Variants in OGFR observed in about 807,000 individuals in gnomAD.
The protein encoded by OGFR is protein 7-60.
OGFR carries 18 observed loss-of-function variants against 33.6 expected under a neutral mutation model. That is an observed-to-expected ratio of 0.54 (90% CI 0.37 to 0.80). The LOEUF (loss-of-function observed/expected upper bound fraction) is 0.80, where lower values mean the gene tolerates loss of function less well. Ranked by LOEUF, OGFR falls within the 30% of genes least tolerant of loss-of-function variation. The pLI, the probability that OGFR is intolerant of heterozygous loss-of-function variation, is 0.00. For missense variants in OGFR, 877 were observed against 955.8 expected (o/e 0.92, Z 1.09); for synonymous variants, 370 against 400.7 (o/e 0.92, Z 0.91).
At position 62,812,210 on chromosome 20, in the gene OGFR, C is replaced by G; in HGVS notation, c.615-20C>G. 1 of 1,483,224 alleles carries G rather than the reference C, an allele frequency of 6.7e-7. No individual in the cohort carries two copies. The highest frequency in any genetic ancestry group is 9.0e-7 in the Non-Finnish European group (1 of 1,112,592). The allele number at this position is 1,483,224 out of a possible 1,614,324, so 91.9% of individuals were successfully genotyped here. The stretch of plus-strand genomic sequence containing the variant: ...GAGGGGCCCCAGCCATTGACCTCTC[C>G]TGACCCGGATCTCTCGCAGGCGCAG... On this transcript the variant is annotated intron_variant, in intron 6 of 6. Transcript: ENST00000290291.
intron 1 of OGFR, 122 bp downstream of exon 1, chr20:62,805,152 C>CG (rs1990555665): frequency 1.4e-6 from 1 of 711,812 alleles, no homozygotes; most frequent in Non-Finnish European, 1.9e-6. Flanking sequence ...CCCGCAGCCC[C>CG]GGGGACCCCC....
At position 62,812,602 on chromosome 20, in the gene OGFR, C is replaced by T. The variant is rs199543917; in HGVS notation, c.987C>T (p.Thr329=). ...ACGAGGCCAGCACCCAGGGTCGGAC[C>T]TGTGGGCCAGAGCATAGCAAGGGTG... is the stretch of plus-strand genomic sequence containing the variant. ...PDHEASTQGR[T]CGPEHSKGGG... is the part of the protein sequence containing the mutation. Residue 329 remains threonine (T), a synonymous_variant, in exon 7 of 7, where the codon ACC becomes ACT. Coordinates refer to ENST00000290291, the MANE Select transcript of OGFR (RefSeq NM_007346.4). 1.8e-4 allele frequency: 281 copies of T among 1,565,808 alleles called. No homozygotes were observed. In the African/African-American group the frequency reaches 3.4e-3, roughly 19 times the overall value.
In OGFR at chr20:62,813,054, C is replaced by A; in HGVS notation, c.1439C>A (p.Ala480Asp). The change falls in exon 7 of 7, where the codon GCC becomes GAC. Residue 480 changes from alanine to aspartate, a missense_variant. Ala to Asp is a moderately radical substitution (Grantham distance 126). Around this residue, in one of 3 missense-constraint regions of OGFR, gnomAD observed 760 missense variants for 736.0 expected, o/e 1.03. Transcript: ENST00000290291. ...GCCAGTGGTGGTGCCCAGACCTTGG[C>A]CCTTGCCGGGTCCCCTGCCCCATCG... ...AVASGGAQTL[A>D]LAGSPAPSGH... The A allele has an allele frequency of 6.3e-7, 1 of 1,585,692 alleles. No homozygotes were observed. Among genetic ancestry groups the A allele is most frequent in the Non-Finnish European group, 8.6e-7 (1 of 1,166,018 alleles).
rs1376280517 is a variant in OGFR, at chr20:62,807,555, A to G, written c.190A>G (p.Arg64Gly). 6.2e-7 allele frequency: 1 copy of G among 1,612,918 alleles called. No individual in the cohort carries two copies. The highest frequency in any genetic ancestry group is 2.2e-5 in the East Asian group (1 of 44,888). Residue 64 changes from arginine (R) to glycine (G), a missense_variant, in exon 2 of 7, where the codon AGA becomes GGA. Coordinates refer to ENST00000290291, the MANE Select transcript of OGFR (RefSeq NM_007346.4). ...SSFQSRMTGS[R>G]NWRATRDMCR... is the part of the protein sequence containing the mutation. ...TTCCCAGTCCAGAATGACAGGGTCC[A>G]GAAACTGGCGAGCCACGAGGGACAT...
At chr20:62,811,085 G>C (rs1236396898) in intron 5 of OGFR, among the ~76,000 whole-genome samples, 2 of 152,254 alleles carry the variant, frequency 1.3e-5, no homozygotes, top group Non-Finnish European at 2.9e-5. Context: ...GTCCAGGCTA[G>C]GTGCCGTGGC....
rs1193086343 is a variant in OGFR at position 62,807,592 on chromosome 20, G to A, written c.227G>A (p.Arg76Gln). 8 of 1,612,782 alleles carry A rather than the reference G, an allele frequency of 5.0e-6. No individual in the cohort carries two copies. The highest frequency in any genetic ancestry group is 1.3e-5 in the African/African-American group (1 of 74,910). Residue 76 changes from arginine to glutamine, a missense_variant, in exon 2 of 7, where the codon CGG becomes CAG. Physicochemically the swap from Arg to Gln is conservative, Grantham distance 43. This residue lies in a region of OGFR where 760 missense variants were observed against 736.0 expected (regional missense o/e 1.03). Transcript: ENST00000290291. Reference sequence around the variant, plus strand: ...GCCACGAGGGACATGTGTAGGTATCGGCACAACTATCCGGTACGTACCTGC... The same window carrying A: ...GCCACGAGGGACATGTGTAGGTATCAGCACAACTATCCGGTACGTACCTGC... The part of the protein sequence containing the change: ...WRATRDMCRY[R>Q]HNYPDLVERD...
At chr20:62,808,604 C>T (rs34361429) in intron 3 of OGFR, among the ~76,000 whole-genome samples, 55,506 of 152,140 alleles carry the variant, frequency 0.36, 10,657 homozygotes, top group African/African-American at 0.43. Flanking sequence ...CTACTGAACT[C>T]CTGCACGACC....
At chr20:62,809,358 C>A (rs370006098) in intron 3 of OGFR, among the ~76,000 whole-genome samples, 3 of 152,240 alleles carry the variant, frequency 2.0e-5, no homozygotes, top group African/African-American at 7.2e-5. Flanking sequence ...CAGCCAGCAA[C>A]AAGGGTCCAG....
Position 62,811,523 on chromosome 20 carries a change from G to T in OGFR, c.527G>T (p.Gly176Val). Residue 176 changes from glycine (G) to valine (V), a missense_variant, in exon 6 of 7, where the codon GGC (glycine) becomes GTC (valine). Gly to Val is a moderately radical substitution (Grantham distance 109). Around this residue, in one of 3 missense-constraint regions of OGFR, gnomAD observed 760 missense variants for 736.0 expected, o/e 1.03. Coordinates refer to ENST00000290291, the MANE Select transcript of OGFR (RefSeq NM_007346.4). ...RLVRAYELML[G>V]FYGIRLEDRG... Reference sequence around the variant, plus strand: ...GTCCGGGCCTACGAGCTCATGCTGGGCTTCTACGGGATCCGGCTGGAGGAC... The same window carrying T: ...GTCCGGGCCTACGAGCTCATGCTGGTCTTCTACGGGATCCGGCTGGAGGAC... 1 of 1,608,628 alleles carries T rather than the reference G, an allele frequency of 6.2e-7. No homozygotes were observed. Among genetic ancestry groups the T allele is most frequent in the Non-Finnish European group, 8.5e-7 (1 of 1,178,314 alleles).
intron 5 of OGFR, 32 bp downstream of exon 5, chr20:62,810,597 A>G (rs1600775392): frequency 1.9e-6 from 3 of 1,607,158 alleles, no homozygotes; most frequent in Non-Finnish European, 2.6e-6. Flanking sequence ...ACTGGAGGGG[A>G]AGATGGGGAG....
intron 2 of OGFR, 198 bp downstream of exon 2, chr20:62,807,803 TC>T: frequency 4.9e-6 from 3 of 617,660 alleles, no homozygotes; most frequent in East Asian, 2.7e-5. Flanking sequence ...ACCGGGGGCA[TC>T]CCCCTACTTT....
Position 62,813,696 on chromosome 20 carries a change from GGGGCTGGGGCCTCCGGAGCTGCTGC to G in OGFR, c.*53_*77del. On this transcript the variant is annotated 3_prime_UTR_variant, in exon 7 of 7. Coordinates refer to ENST00000290291, the MANE Select transcript of OGFR (RefSeq NM_007346.4). ...TCTTGGTCCTCCTGTCCCTGCTGCA[GGGGCTGGGGCCTCCGGAGCTGCTGC>G]GGGCTCCCCTCAGGCTCTGCTTCGT... The G allele has an allele frequency of 6.2e-7, 1 of 1,600,616 alleles. No individual in the cohort carries two copies. Among genetic ancestry groups the G allele is most frequent in the South Asian group, 1.1e-5 (1 of 90,442 alleles).
rs1990732699 is a variant in OGFR at position 62,811,726 on chromosome 20, A to G, written c.614+116A>G. 2.1e-5 allele frequency: 26 copies of G among 1,212,278 alleles called. 1 individual carries two copies. The South Asian group carries it at 3.9e-4, about 18-fold the overall frequency. The allele number at this position is 1,212,278 out of a possible 1,614,324, so 75.1% of individuals were successfully genotyped here. A position where few individuals can be genotyped will look rare whatever the true frequency, so the allele number is the denominator to read the frequency against. On this transcript the variant is annotated intron_variant, in intron 6 of 6. Transcript: ENST00000290291. ...GGAGAACTCCAGGGCTGTTTGGGCA[A>G]TGGACCAAGGCCCTGAGTCCCCTCC...
At chr20:62,807,821 C>A in intron 2 of OGFR, 1 of 609,132 alleles carries the variant, frequency 1.6e-6, no homozygotes, top group Admixed American at 2.9e-5. Context: ...CTTTTCTGAG[C>A]TTCAGCACAC....
chr20:62,804,891 AGGAGGACGAGGAGGATGCGGAGGACGC>A lies in OGFR; in HGVS notation c.45_71del (p.Glu15_Glu23del), dbSNP rs778052199. 1.5e-4 allele frequency: 221 copies of A among 1,479,004 alleles called. No homozygotes were observed. The African/African-American group carries it at 2.4e-3, about 16-fold the overall frequency. 91.6% of individuals were successfully genotyped at this position (1,479,004 alleles called of 1,614,324 possible). On this transcript the variant is annotated inframe_deletion, in exon 1 of 7. Coordinates refer to ENST00000290291, the MANE Select transcript of OGFR (RefSeq NM_007346.4). The stretch of plus-strand genomic sequence containing the variant: ...GACCCCGACTGCGACTCCACCTGGG[AGGAGGACGAGGAGGATGCGGAGGACGC>A]GGAGGACGAGGACTGCGAGGACGGC...
At chr20:62,812,112 A>G in intron 6 of OGFR, 118 bp from the exon 7 acceptor site, 1 of 848,814 alleles carries the variant, frequency 1.2e-6, no homozygotes, top group Non-Finnish European at 1.8e-6. Flanking sequence ...GAGAGACTGA[A>G]TCGTGGGCCA....
Position 62,812,845 on chromosome 20 carries a change from C to A in OGFR, c.1230C>A (p.Ile410=), listed in dbSNP as rs766620602. Residue 410 remains isoleucine (I), a synonymous_variant, in exon 7 of 7, where the codon ATC becomes ATA. Coordinates refer to ENST00000290291, the MANE Select transcript of OGFR (RefSeq NM_007346.4). ...GPQSASEVEK[I]ALNLEGCALS... is the part of the protein sequence containing the mutation. ...AGAGTGCCTCAGAGGTGGAGAAGAT[C>A]GCTCTGAATTTGGAGGGGTGTGCCC... The A allele has an allele frequency of 2.8e-5, 45 of 1,612,664 alleles. No individual in the cohort carries two copies. Among genetic ancestry groups the A allele is most frequent in the Non-Finnish European group, 3.8e-5 (45 of 1,179,964 alleles).
chr20:62,807,057 A>G (rs1410568541), intron 1 of OGFR: 1 of 170,294 alleles, frequency 5.9e-6, no homozygotes, highest in Admixed American at 5.5e-5. Flanking sequence ...TTCTGGGGCT[A>G]CAGGTGGTGA....
At chr20:62,810,733 C>G (rs1869545219) in intron 5 of OGFR, among the ~76,000 whole-genome samples, 168 bp downstream of exon 5, 1 of 152,252 alleles carries the variant, frequency 6.6e-6, no homozygotes, top group Non-Finnish European at 1.5e-5. Flanking sequence ...CCTTCCCTCC[C>G]CAGTGGTCCT....
Sources: gnomAD v4.1 joint callset for allele counts (sites outside exome capture counted in the v4.1 genomes callset) on GRCh38, gnomAD v4.1.1 for gene constraint, gnomAD v4.1.1 regional missense constraint, MANE v1.5 for transcripts, NCBI Gene and HGNC (gene_info 2026-07-23, HGNC 2026-07-21) for gene names.